Variants in ABCC4 observed in about 807,000 individuals in gnomAD.
ABCC4 encodes the protein ATP-binding cassette sub-family C member 4.
In ABCC4, 102 loss-of-function variants were observed where a neutral mutation model predicts 168.5. That is an observed-to-expected ratio of 0.61 (90% CI 0.52 to 0.71). The LOEUF (loss-of-function observed/expected upper bound fraction) is 0.71. Ranked by LOEUF, ABCC4 falls within the 30% of genes least tolerant of loss-of-function variation. The pLI, the probability that ABCC4 is intolerant of heterozygous loss-of-function variation, is 0.00. For missense variants in ABCC4, 1,402 were observed against 1,605.8 expected, an observed-to-expected ratio of 0.87 and a Z score of 2.17; for synonymous variants, 617 against 590.7, an observed-to-expected ratio of 1.04 and a Z score of -0.65.
At chr13:95,166,472 T>C (rs1330135398) in intron 14 of ABCC4, 105 bp from the exon 15 acceptor site, 3 of 971,204 alleles carry the variant, frequency 3.1e-6, no homozygotes, top group African/African-American at 3.3e-5. Context: ...GTTATGATTA[T>C]ACTTAGGTCC....
rs2037213704 is a variant in ABCC4 at position 95,164,669 on chromosome 13, A to G, written c.2035-151T>C. 9 of 684,964 alleles carry G rather than the reference A, an allele frequency of 1.3e-5. 1 individual carries two copies. The South Asian group carries it at 2.3e-4, about 18-fold the overall frequency. 42.4% of individuals were successfully genotyped at this position (684,964 alleles called of 1,614,324 possible). A position where few individuals can be genotyped will look rare whatever the true frequency, so the allele number is the denominator to read the frequency against. On this transcript the variant is annotated intron_variant, in intron 15 of 30. Coordinates refer to ENST00000645237, the MANE Select transcript of ABCC4 (RefSeq NM_005845.5). ...GAGAAGGGTGTGGAAATAGCTAGCC[A>G]AACTATACATCCACTTATTTTTTAT...
chr13:95,075,183 G>A (rs1464785893), intron 22 of ABCC4: 8 of 485,992 alleles, frequency 1.6e-5, no homozygotes, highest in Non-Finnish European at 2.9e-5. Context: ...AGAGCCACAG[G>A]CCATGCATGG....
rs576802479 is a variant in ABCC4, at chr13:95,130,087, A to G, written c.2456-14086T>C. Among the ~76,000 whole-genome samples the G allele has an allele frequency of 4.4e-3, 662 of 152,062 alleles. 6 individuals are homozygous for G. The highest frequency in any genetic ancestry group is 8.1e-3 in the Non-Finnish European group (551 of 67,976). On this transcript the variant is annotated intron_variant, in intron 19 of 30. Transcript: ENST00000645237. ...CAAAACTCCATCTTAAAAAAAAAAA[A>G]AAAAGAAAAGAAAGAAACTTAACAG...
At chr13:95,257,215 C>T (rs184008609) in intron 1 of ABCC4, among the ~76,000 whole-genome samples, 2,223 of 152,268 alleles carry the variant, frequency 0.015, 21 homozygotes, top group Middle Eastern at 0.044. Flanking sequence ...AAGGAAACCG[C>T]CATTAAGACA....
At chr13:95,056,357 T>C (rs2033056240) in intron 26 of ABCC4, among the ~76,000 whole-genome samples, 1 of 152,176 alleles carries the variant, frequency 6.6e-6, no homozygotes, top group African/African-American at 2.4e-5. Flanking sequence ...TAAATCTTGG[T>C]TTCCCTTCTT....
intron 19 of ABCC4, among the ~76,000 whole-genome samples, chr13:95,133,639 TC>T (rs879397282): frequency 2.6e-5 from 4 of 151,148 alleles, no homozygotes; most frequent in Non-Finnish European, 4.4e-5. Context: ...GAGACCAGAG[TC>T]CCCTCCCACC....
chr13:95,084,776 G>C (rs1027932168), intron 20 of ABCC4, among the ~76,000 whole-genome samples: 2 of 152,142 alleles, frequency 1.3e-5, no homozygotes, highest in African/African-American at 4.8e-5. Context: ...TGTGCTAACG[G>C]GTCTGTGAAT....
At chr13:95,043,595 G>A (rs1009896640) in intron 29 of ABCC4, 87 bp downstream of exon 29, 1 of 1,152,174 alleles carries the variant, frequency 8.7e-7, no homozygotes, top group Non-Finnish European at 1.3e-6. Context: ...CTTACTAGGG[G>A]TTTCTATCAA....
At chr13:95,241,366 G>GA (rs3047272) in intron 3 of ABCC4, among the ~76,000 whole-genome samples, 51,607 of 145,224 alleles carry the variant, frequency 0.36, 9,704 homozygotes, top group Non-Finnish European at 0.41. Context: ...TCCATCTCAG[G>GA]AAAAAAAAAA....
chr13:95,242,928 C>T lies in ABCC4; in HGVS notation c.306+4047G>A, dbSNP rs1294921666. Among the ~76,000 whole-genome samples, 3 of 152,216 alleles carry T rather than the reference C, an allele frequency of 2.0e-5. No individual in the cohort carries two copies. In the East Asian group the frequency reaches 5.8e-4, roughly 29 times the overall value. Reference sequence around the variant, plus strand: ...TGAGTTGAACTGGGAAGAGCTTTAGCTCCCTGAACTTCACTGCATCGGAAC... The same window carrying T: ...TGAGTTGAACTGGGAAGAGCTTTAGTTCCCTGAACTTCACTGCATCGGAAC... On this transcript the variant is annotated intron_variant, in intron 3 of 30. Coordinates refer to ENST00000645237, the MANE Select transcript of ABCC4 (RefSeq NM_005845.5).
At chr13:95,074,871 C>T (rs1245473092) in intron 22 of ABCC4, among the ~76,000 whole-genome samples, 3 of 152,138 alleles carry the variant, frequency 2.0e-5, no homozygotes. Flanking sequence ...GCCATTTAAT[C>T]AGCAAGATAA....
chr13:95,060,274 A>T (rs1384794264), intron 26 of ABCC4, among the ~76,000 whole-genome samples: 1 of 152,234 alleles, frequency 6.6e-6, no homozygotes, highest in Admixed American at 6.5e-5. Context: ...GCATTTGCTC[A>T]AAAGTAGGGT....
At chr13:95,200,352 A>G (rs537716306) in intron 8 of ABCC4, among the ~76,000 whole-genome samples, 1 of 152,290 alleles carries the variant, frequency 6.6e-6, no homozygotes, top group East Asian at 1.9e-4. Context: ...TTTTGACCTC[A>G]TGCGTTTTTT....
intron 4 of ABCC4, 22 bp downstream of exon 4, chr13:95,234,588 T>C (rs576911866): frequency 1.7e-5 from 27 of 1,595,020 alleles, no homozygotes; most frequent in Non-Finnish European, 2.2e-5. Flanking sequence ...GAGGTACATG[T>C]TTAATGCTGA....
chr13:95,146,695 G>A (rs1311710471), intron 19 of ABCC4, among the ~76,000 whole-genome samples: 1 of 152,236 alleles, frequency 6.6e-6, no homozygotes, highest in Non-Finnish European at 1.5e-5. Flanking sequence ...CAGAGGCAGA[G>A]AGACTGCAAC....
intron 14 of ABCC4, 35 bp downstream of exon 14, chr13:95,170,497 C>T (rs2037429283): frequency 7.2e-7 from 1 of 1,384,868 alleles, no homozygotes; most frequent in Non-Finnish European, 1.0e-6. Context: ...CACCCAAGTA[C>T]TTGCAAGTTC....
chr13:95,242,549 G>T (rs1331767837), intron 3 of ABCC4, among the ~76,000 whole-genome samples: 1 of 152,082 alleles, frequency 6.6e-6, no homozygotes, highest in East Asian at 1.9e-4. Context: ...TAGAGACAAG[G>T]TCTTGCTCTG....
intron 27 of ABCC4, among the ~76,000 whole-genome samples, chr13:95,049,781 A>G (rs2032751907): frequency 6.6e-6 from 1 of 152,208 alleles, no homozygotes; most frequent in Admixed American, 6.5e-5. Flanking sequence ...GATCATGGGT[A>G]AGAAGAAATA....
At chr13:95,158,184 T>C (rs1028539738) in intron 19 of ABCC4, among the ~76,000 whole-genome samples, 2 of 151,864 alleles carry the variant, frequency 1.3e-5, no homozygotes, top group Admixed American at 6.6e-5. Context: ...GGGACCACAG[T>C]GGGGCAGTCA....
Sources: gnomAD v4.1 joint callset for allele counts (sites outside exome capture counted in the v4.1 genomes callset) on GRCh38, gnomAD v4.1.1 for gene constraint, MANE v1.5 for transcripts, NCBI Gene and HGNC (gene_info 2026-07-23, HGNC 2026-07-21) for gene names.